HNF1A: variants seen among roughly 807,000 people sequenced by gnomAD.
The protein encoded by HNF1A is hepatocyte nuclear factor 1-alpha.
In HNF1A, 21 loss-of-function variants were observed where a neutral mutation model predicts 62.2. The ratio of observed to expected loss-of-function variants is 0.34; its 90% CI spans 0.24 to 0.49. The LOEUF (loss-of-function observed/expected upper bound fraction) is 0.49, where lower values mean the gene tolerates loss of function less well. Among genes scored for constraint, HNF1A ranks in the 20% least tolerant of loss-of-function variants. The probability of loss-of-function intolerance (pLI) is 0.99; values close to 1 mark genes in which losing one functional copy is unlikely to be tolerated. For synonymous variants in HNF1A, 374 were observed against 366.8 expected (o/e 1.02, Z -0.22); for missense variants, 687 against 832.3 (o/e 0.83, Z 2.15).
At chr12:120,983,587 T>C (rs1593049959) in intron 1 of HNF1A, among the ~76,000 whole-genome samples, 1 of 151,420 alleles carries the variant, frequency 6.6e-6, no homozygotes. Context: ...ACTCTGTTGC[T>C]GGGGGTGGAG....
Position 120,996,295 on chromosome 12 carries a change from C to G in HNF1A, c.989C>G (p.Thr330Ser), listed in dbSNP as rs1042699940. Residue 330 changes from threonine to serine, a missense_variant, in exon 5 of 10, where the codon ACT (threonine) becomes AGT (serine). This residue lies in a region of HNF1A where 408 missense variants were observed against 455.3 expected (regional missense o/e 0.90). Transcript: ENST00000257555. This position sits in a 1 kb window ranked among gnomAD's most constrained non-coding sequence, Gnocchi z 4.5. Reference sequence around the variant, plus strand: ...TATGGACAGCCTGCGACCAGTGAGACTGCAGAAGTACCCTCAAGCAGCGGC... The same window carrying G: ...TATGGACAGCCTGCGACCAGTGAGAGTGCAGAAGTACCCTCAAGCAGCGGC... ...VRYGQPATSE[T>S]AEVPSSSGGP... 6 of 1,614,198 alleles carry G rather than the reference C, an allele frequency of 3.7e-6. No homozygotes were observed. Among genetic ancestry groups the G allele is most frequent in the Non-Finnish European group, 5.1e-6 (6 of 1,180,032 alleles).
At position 120,983,916 on chromosome 12, in the gene HNF1A, C is replaced by CTGTGTGTGTGTGTGTGTGTGTGTG. The variant is rs61680384; in HGVS notation, c.326+4832_326+4855dup. Among the ~76,000 whole-genome samples, 320 of 137,340 alleles carry CTGTGTGTGTGTGTGTGTGTGTGTG rather than the reference C, an allele frequency of 2.3e-3. 4 individuals carry two copies. The highest frequency in any genetic ancestry group is 7.4e-3 in the African/African-American group (261 of 35,336). The allele number at this position is 137,340 out of a possible 152,430, so 90.1% of individuals were successfully genotyped here. Reference sequence around the variant, plus strand: ...AAAAATAGTCAGGCCCTTGAAGACTCTGTGTGTGTGTGTGTGTGTGTGTGT... The same window carrying CTGTGTGTGTGTGTGTGTGTGTGTG: ...AAAAATAGTCAGGCCCTTGAAGACTCTGTGTGTGTGTGTGTGTGTGTGTGTGTGTGTGTGTGTGTGTGTGTGTGT... On this transcript the variant is annotated intron_variant, in intron 1 of 9. Coordinates refer to ENST00000257555, the MANE Select transcript of HNF1A (RefSeq NM_000545.8).
At chr12:120,982,558 A>G (rs1876310254) in intron 1 of HNF1A, among the ~76,000 whole-genome samples, 1 of 152,100 alleles carries the variant, frequency 6.6e-6, no homozygotes, top group Admixed American at 6.6e-5. Context: ...AGGTGATTTT[A>G]TACTTCTGAG....
chr12:120,988,961 C>T lies in HNF1A; in HGVS notation c.455C>T (p.Thr152Ile). Residue 152 changes from threonine (T) to isoleucine (I), a missense_variant, in exon 2 of 10, where the codon ACT becomes ATT. Thr to Ile is a moderately conservative substitution (Grantham distance 89). Around this residue, in one of 5 missense-constraint regions of HNF1A, gnomAD observed 26 missense variants for 60.7 expected, o/e 0.43. Coordinates refer to ENST00000257555, the MANE Select transcript of HNF1A (RefSeq NM_000545.8). ...CTGTCCCAACACCTCAACAAGGGCA[C>T]TCCCATGAAGACGCAGAAGCGGGCC... ...SHLSQHLNKGTPMKTQKRAAL... is the reference protein window; with the variant it reads ...SHLSQHLNKGIPMKTQKRAAL... The T allele has an allele frequency of 1.9e-6, 3 of 1,614,256 alleles. No homozygotes were observed. Among genetic ancestry groups the T allele is most frequent in the South Asian group, 2.2e-5 (2 of 91,088 alleles).
At chr12:120,983,748 G>A (rs1276276772) in intron 1 of HNF1A, among the ~76,000 whole-genome samples, 1 of 152,020 alleles carries the variant, frequency 6.6e-6, no homozygotes, top group African/African-American at 2.4e-5. Flanking sequence ...GTTTCACTGT[G>A]TTGGCCAGGG....
intron 7 of HNF1A, chr12:120,998,129 A>C: frequency 3.3e-6 from 1 of 306,676 alleles, no homozygotes; most frequent in Non-Finnish European, 6.3e-6. Flanking sequence ...AAAGTACAAA[A>C]ATTAGCCAGG....
At position 120,996,266 on chromosome 12, in the gene HNF1A, G is replaced by A. The variant is rs758818657; in HGVS notation, c.960G>A (p.Val320=). ...GGACACTGCTTCCCTCTCCAGGTGT[G>A]CGCTATGGACAGCCTGCGACCAGTG... ...PALSPSKVHG[V]RYGQPATSET... Residue 320 remains valine (V), a synonymous_variant, in exon 5 of 10, where the codon GTG becomes GTA. Coordinates refer to ENST00000257555, the MANE Select transcript of HNF1A (RefSeq NM_000545.8). The surrounding 1 kb of genome is among the most constrained non-coding windows in gnomAD (Gnocchi z 4.5). 6.2e-7 allele frequency: 1 copy of A among 1,614,034 alleles called. No individual in the cohort carries two copies.
Position 120,987,761 on chromosome 12 carries a change from TTGATCTATC to T in HNF1A, c.327-1070_327-1062del, listed in dbSNP as rs1164829702. On this transcript the variant is annotated intron_variant, in intron 1 of 9. Transcript: ENST00000257555. ...GCCTTTAGGGCAAAAAGTCACAAAG[TTGATCTATC>T]TATCTATCTATCTATCTATCTATCT... Among the ~76,000 whole-genome samples, 116 of 121,336 alleles carry T rather than the reference TTGATCTATC, an allele frequency of 9.6e-4. 1 individual carries two copies. The highest frequency in any genetic ancestry group is 3.5e-3 in the African/African-American group (106 of 30,644). The allele number at this position is 121,336 out of a possible 152,430, so 79.6% of individuals were successfully genotyped here. A position where few individuals can be genotyped will look rare whatever the true frequency, so the allele number is the denominator to read the frequency against.
At chr12:120,985,828 T>C (rs1371387082) in intron 1 of HNF1A, among the ~76,000 whole-genome samples, 3 of 151,530 alleles carry the variant, frequency 2.0e-5, no homozygotes, top group African/African-American at 4.8e-5. Flanking sequence ...CTACTAAAAA[T>C]ATAAAAATTA....
At chr12:120,984,514 A>G (rs930332315) in intron 1 of HNF1A, among the ~76,000 whole-genome samples, 1 of 152,038 alleles carries the variant, frequency 6.6e-6, no homozygotes, top group African/African-American at 2.4e-5. Context: ...AGGACACAGG[A>G]GGACATGGCA....
At chr12:120,982,484 C>T (rs969094830) in intron 1 of HNF1A, among the ~76,000 whole-genome samples, 5 of 151,960 alleles carry the variant, frequency 3.3e-5, no homozygotes, top group African/African-American at 4.8e-5. Flanking sequence ...GAGGATCTGA[C>T]GTCCCCAACA....
At position 120,978,688 on chromosome 12, in the gene HNF1A, G is replaced by A. The variant is rs755941887; in HGVS notation, c.-81G>A. On this transcript the variant is annotated 5_prime_UTR_variant, in exon 1 of 10. Transcript: ENST00000257555. ...GGAGTTTGGTTTGTGTCTGCCGGCC[G>A]GCAGGCAAACGCAACCCACGCGGTG... is the stretch of plus-strand genomic sequence containing the variant. 7.4e-6 allele frequency: 10 copies of A among 1,359,926 alleles called. No homozygotes were observed. Among genetic ancestry groups the A allele is most frequent in the Admixed American group, 1.7e-5 (1 of 59,614 alleles). The allele number at this position is 1,359,926 out of a possible 1,614,324, so 84.2% of individuals were successfully genotyped here.
rs918762813 is a variant in HNF1A at position 120,989,092 on chromosome 12, A to G, written c.526+60A>G. On this transcript the variant is annotated intron_variant, in intron 2 of 9. Transcript: ENST00000257555. The stretch of plus-strand genomic sequence containing the variant: ...AGGGCCCAGGACTCTCCCCTAACTC[A>G]TAGGTGGGGGCTGGAAGCTTCACCA... 2.0e-5 allele frequency: 30 copies of G among 1,497,630 alleles called. No individual in the cohort carries two copies. In the South Asian group the frequency reaches 3.0e-4, roughly 15 times the overall value. 92.8% of individuals were successfully genotyped at this position (1,497,630 alleles called of 1,614,324 possible). A position where few individuals can be genotyped will look rare whatever the true frequency, so the allele number is the denominator to read the frequency against.
intron 7 of HNF1A, 103 bp downstream of exon 7, chr12:120,997,768 T>G: frequency 8.2e-7 from 1 of 1,221,538 alleles, no homozygotes; most frequent in Non-Finnish European, 1.2e-6. Flanking sequence ...TCTGCATGTG[T>G]CTCTGGGACA....
At position 121,002,342 on chromosome 12, in the gene HNF1A, C is replaced by T. The variant is rs1414146133; in HGVS notation, c.*1150C>T. 2.1e-6 allele frequency: 1 copy of T among 472,746 alleles called. No individual in the cohort carries two copies. Among genetic ancestry groups the T allele is most frequent in the African/African-American group, 1.9e-5 (1 of 51,596 alleles). The allele number at this position is 472,746 out of a possible 1,614,324, so 29.3% of individuals were successfully genotyped here. On this transcript the variant is annotated 3_prime_UTR_variant, in exon 10 of 10. Transcript: ENST00000257555. The stretch of plus-strand genomic sequence containing the variant: ...CCTGTGAACCCAGGACAAGCATGGT[C>T]CCACATCCCTGGGCCTGCTGCTGAG...
At position 120,979,032 on chromosome 12, in the gene HNF1A, G is replaced by A. The variant is rs201223431; in HGVS notation, c.264G>A (p.Glu88=). 55 of 1,611,880 alleles carry A rather than the reference G, an allele frequency of 3.4e-5. 1 individual carries two copies. In the East Asian group the frequency reaches 1.0e-3, roughly 31 times the overall value. Residue 88 remains glutamate, a synonymous_variant, in exon 1 of 10, where the codon GAG becomes GAA. Transcript: ENST00000257555. ...GEDFTPPILK[E]LENLSPEEAA... is the part of the protein sequence containing the mutation. ...ACTTCACGCCACCCATCCTCAAAGA[G>A]CTGGAGAACCTCAGCCCTGAGGAGG...
At chr12:120,979,992 G>GGGGGCTACAGGGGCCACCCCTCCC (rs1876168260) in intron 1 of HNF1A, among the ~76,000 whole-genome samples, 1 of 152,050 alleles carries the variant, frequency 6.6e-6, no homozygotes, top group African/African-American at 2.4e-5. Flanking sequence ...AGGATGGCCT[G>GGGGGCTACAGGGGCCACCCCTCCC]GGGGCTACAG....
chr12:120,992,865 C>CCTGCTG (rs148573184), intron 2 of HNF1A, among the ~76,000 whole-genome samples: 2 of 151,940 alleles, frequency 1.3e-5, no homozygotes, highest in African/African-American at 4.8e-5. Context: ...TGGTGAGGGC[C>CCTGCTG]CTGCTGCTGC....
rs541772679 is a variant in HNF1A at position 120,987,262 on chromosome 12, C to A, written c.327-1571C>A. ...GGCCGAGGCAGGCAGATCACAAGAT[C>A]AGGAGATCGAGACCATCCTGGCTAA... is the stretch of plus-strand genomic sequence containing the variant. On this transcript the variant is annotated intron_variant, in intron 1 of 9. Transcript: ENST00000257555. Among the ~76,000 whole-genome samples the A allele has an allele frequency of 3.3e-5, 5 of 152,210 alleles. No homozygotes were observed. In the East Asian group the frequency reaches 9.7e-4, roughly 30 times the overall value.
Sources: allele counts gnomAD v4.1 joint callset (sites outside exome capture counted in the v4.1 genomes callset), GRCh38; gene constraint gnomAD v4.1.1; regional missense constraint gnomAD v4.1.1; non-coding constraint Gnocchi (gnomAD v3.1); transcripts MANE v1.5; gene names NCBI Gene and HGNC (gene_info 2026-07-23, HGNC 2026-07-21).